Variants in ITM2C observed in about 807,000 individuals in gnomAD.
ITM2C encodes integral membrane protein 2C.
Under a neutral mutation model 30.0 loss-of-function variants are expected in ITM2C, and 20 were observed. The observed-to-expected ratio is 0.67, with a 90% CI of 0.47 to 0.97. The LOEUF (loss-of-function observed/expected upper bound fraction) is 0.97. Among genes scored for constraint, ITM2C ranks in the 50% least tolerant of loss-of-function variants. ITM2C has a pLI of 0.00. For synonymous variants in ITM2C, 167 were observed against 156.4 expected, an observed-to-expected ratio of 1.07 and a Z score of -0.51; for missense variants, 366 against 371.9, an observed-to-expected ratio of 0.98 and a Z score of 0.13.
rs1208234556 is a variant in ITM2C, at chr2:230,873,412, C to T, written c.121-5C>T. 1 of 1,565,358 alleles carries T rather than the reference C, an allele frequency of 6.4e-7. No individual in the cohort carries two copies. The highest frequency in any genetic ancestry group is 8.6e-7 in the Non-Finnish European group (1 of 1,156,112). ...CCCCCACTGACCCAGCATTGCTATC[C>T]ACAGGAGGAGCAGCCCCCACAACAT... On this transcript the variant is annotated splice_polypyrimidine_tract_variant and splice_region_variant and intron_variant, in intron 1 of 5. Coordinates refer to ENST00000326427, the MANE Select transcript of ITM2C (RefSeq NM_030926.6).
At chr2:230,870,687 G>A (rs974302057) in intron 1 of ITM2C, among the ~76,000 whole-genome samples, 10 of 152,062 alleles carry the variant, frequency 6.6e-5, no homozygotes, top group African/African-American at 2.4e-4. Context: ...TGGGGCCTCC[G>A]AGCCCAGCCC....
intron 1 of ITM2C, among the ~76,000 whole-genome samples, chr2:230,872,163 C>G (rs1267556413): frequency 1.3e-5 from 2 of 152,228 alleles, no homozygotes. Context: ...GAATGAGAAG[C>G]TTCAGGCTCT....
At chr2:230,870,471 G>C (rs1037787027) in intron 1 of ITM2C, among the ~76,000 whole-genome samples, 1 of 152,204 alleles carries the variant, frequency 6.6e-6, no homozygotes, top group African/African-American at 2.4e-5. Context: ...GGCTGAGCCC[G>C]GGTGTGTGCT....
At chr2:230,866,160 G>A (rs940592846) in intron 1 of ITM2C, among the ~76,000 whole-genome samples, 1 of 152,212 alleles carries the variant, frequency 6.6e-6, no homozygotes, top group African/African-American at 2.4e-5. Flanking sequence ...ATTGTGCCTG[G>A]CAAAGGTGTC....
intron 2 of ITM2C, among the ~76,000 whole-genome samples, chr2:230,874,537 C>T (rs1035053149): frequency 6.6e-6 from 1 of 152,140 alleles, no homozygotes. Context: ...CACCCCAATT[C>T]GTTGTGTGGA....
intron 1 of ITM2C, among the ~76,000 whole-genome samples, chr2:230,868,855 T>C (rs1697096156): frequency 6.6e-6 from 1 of 152,206 alleles, no homozygotes; most frequent in Admixed American, 6.5e-5. Flanking sequence ...GCGGCCCTGC[T>C]CCATCCAGGT....
chr2:230,877,315 G>T lies in ITM2C; in HGVS notation c.562-85G>T. 7.1e-7 allele frequency: 1 copy of T among 1,415,908 alleles called. No individual in the cohort carries two copies. Among genetic ancestry groups the T allele is most frequent in the South Asian group, 1.3e-5 (1 of 79,756 alleles). The allele number at this position is 1,415,908 out of a possible 1,614,324, so 87.7% of individuals were successfully genotyped here. A position where few individuals can be genotyped will look rare whatever the true frequency, so the allele number is the denominator to read the frequency against. Reference sequence around the variant, plus strand: ...AGGGCCAGCCCAGGGGCCTCTGGAGGAGGGAGGTGGGCTGGCATTTCGGGC... The same window carrying T: ...AGGGCCAGCCCAGGGGCCTCTGGAGTAGGGAGGTGGGCTGGCATTTCGGGC... On this transcript the variant is annotated intron_variant, in intron 4 of 5. Transcript: ENST00000326427. The surrounding 1 kb of genome is among the most constrained non-coding windows in gnomAD (Gnocchi z 4.8).
rs1697000304 is a variant in ITM2C, at chr2:230,865,354, G to A, written c.120+209G>A. ...AAGCGGCAGCCAAAAGCTGAAGTCC[G>A]AAGAGTGGGAGGCGTCTGGTTCTGG... On this transcript the variant is annotated intron_variant, in intron 1 of 5. Transcript: ENST00000326427. The surrounding 1 kb of genome is among the most constrained non-coding windows in gnomAD (Gnocchi z 6.8). 2.4e-5 allele frequency: 11 copies of A among 465,080 alleles called. No homozygotes were observed. In the East Asian group the frequency reaches 4.0e-4, roughly 17 times the overall value. 28.8% of individuals were successfully genotyped at this position (465,080 alleles called of 1,614,324 possible). A position where few individuals can be genotyped will look rare whatever the true frequency, so the allele number is the denominator to read the frequency against.
chr2:230,872,084 C>T (rs1255112068), intron 1 of ITM2C, among the ~76,000 whole-genome samples: 1 of 152,248 alleles, frequency 6.6e-6, no homozygotes, highest in Non-Finnish European at 1.5e-5. Flanking sequence ...CTTGGTCTGA[C>T]CTGCTCATTT....
In ITM2C at chr2:230,865,882, T is replaced by A. The variant is rs1438586633; in HGVS notation, c.120+737T>A. On this transcript the variant is annotated intron_variant, in intron 1 of 5. Coordinates refer to ENST00000326427, the MANE Select transcript of ITM2C (RefSeq NM_030926.6). This position sits in a 1 kb window ranked among gnomAD's most constrained non-coding sequence, Gnocchi z 6.8. Reference sequence around the variant, plus strand: ...CCATTCCCAGCCTCTCGCTGGGCTGTCCCCCGACCCCACGGGGAGGGCTCC... The same window carrying A: ...CCATTCCCAGCCTCTCGCTGGGCTGACCCCCGACCCCACGGGGAGGGCTCC... 1 of 152,136 alleles carries A rather than the reference T, an allele frequency of 6.6e-6. No individual in the cohort carries two copies. The highest frequency in any genetic ancestry group is 1.5e-5 in the Non-Finnish European group (1 of 68,110). 9.4% of individuals were successfully genotyped at this position (152,136 alleles called of 1,614,324 possible). A position where few individuals can be genotyped will look rare whatever the true frequency, so the allele number is the denominator to read the frequency against.
intron 1 of ITM2C, among the ~76,000 whole-genome samples, chr2:230,872,117 C>T (rs1489662931): frequency 2.0e-5 from 3 of 152,240 alleles, no homozygotes; most frequent in African/African-American, 7.2e-5. Flanking sequence ...AGCCGAGGCC[C>T]AGAAAGTGCT....
chr2:230,876,057 CGTTGTATCGAGGG>C (rs144808328), intron 3 of ITM2C, among the ~76,000 whole-genome samples: 15,061 of 152,170 alleles, frequency 0.099, 898 homozygotes, highest in African/African-American at 0.17. Flanking sequence ...AGGGCCAGTG[CGTTGTATCGAGGG>C]GTAGTACATT....
chr2:230,874,256 C>T (rs759939325), intron 2 of ITM2C, among the ~76,000 whole-genome samples: 3 of 152,270 alleles, frequency 2.0e-5, no homozygotes, highest in Admixed American at 6.5e-5. Context: ...ACTTTGTTGT[C>T]CCCCAGTTTT....
At chr2:230,876,480 C>G (rs890368323) in intron 3 of ITM2C, among the ~76,000 whole-genome samples, 1 of 151,968 alleles carries the variant, frequency 6.6e-6, no homozygotes, top group Non-Finnish European at 1.5e-5. Flanking sequence ...CCCCTGCTGG[C>G]CAAGCTGCTT....
At chr2:230,875,945 C>A in intron 3 of ITM2C, 137 bp downstream of exon 3, 2 of 685,812 alleles carry the variant, frequency 2.9e-6, no homozygotes, top group Non-Finnish European at 4.8e-6. Flanking sequence ...CTTCAAGACA[C>A]TGCTTTTCTC....
At position 230,877,900 on chromosome 2, in the gene ITM2C, G is replaced by T; in HGVS notation, c.713-108G>T. ...TCACTGTGCTCTTTGGGTGAATCTGGGTGAATGGTGTCACTTCCTGGCCCT... is the reference window on the plus strand; with the variant it reads ...TCACTGTGCTCTTTGGGTGAATCTGTGTGAATGGTGTCACTTCCTGGCCCT... On this transcript the variant is annotated intron_variant, in intron 5 of 5. Transcript: ENST00000326427. The surrounding 1 kb of genome is among the most constrained non-coding windows in gnomAD (Gnocchi z 4.8). 1 of 849,658 alleles carries T rather than the reference G, an allele frequency of 1.2e-6. No individual in the cohort carries two copies. The highest frequency in any genetic ancestry group is 1.9e-6 in the Non-Finnish European group (1 of 525,474). The allele number at this position is 849,658 out of a possible 1,614,324, so 52.6% of individuals were successfully genotyped here. A position where few individuals can be genotyped will look rare whatever the true frequency, so the allele number is the denominator to read the frequency against.
At chr2:230,873,241 G>A (rs1390233042) in intron 1 of ITM2C, 176 bp from the exon 2 acceptor site, 4 of 509,052 alleles carry the variant, frequency 7.9e-6, no homozygotes, top group Non-Finnish European at 1.3e-5. Flanking sequence ...CTTTAGCCAG[G>A]ACGAGTCCGG....
chr2:230,873,371 A>G (rs1023129338), intron 1 of ITM2C, 46 bp from the exon 2 acceptor site: 4 of 1,461,812 alleles, frequency 2.7e-6, no homozygotes. Flanking sequence ...GGGGATTTCC[A>G]GGGGAGGGGC....
At chr2:230,876,424 T>C (rs935418164) in intron 3 of ITM2C, among the ~76,000 whole-genome samples, 4 of 151,946 alleles carry the variant, frequency 2.6e-5, no homozygotes, top group Admixed American at 2.6e-4. Flanking sequence ...GAGAGGACTC[T>C]GCTCCTGAAG....
Sources: allele counts gnomAD v4.1 joint callset (sites outside exome capture counted in the v4.1 genomes callset), GRCh38; gene constraint gnomAD v4.1.1; non-coding constraint Gnocchi (gnomAD v3.1); transcripts MANE v1.5; gene names NCBI Gene and HGNC (gene_info 2026-07-23, HGNC 2026-07-21).